Variants in PRKCE observed in about 807,000 individuals in gnomAD.
PRKCE encodes protein kinase C epsilon type.
A neutral mutation model predicts 85.4 loss-of-function variants in PRKCE; 16 were observed. The ratio of observed to expected loss-of-function variants is 0.19; its 90% CI spans 0.13 to 0.28. The LOEUF (loss-of-function observed/expected upper bound fraction) is 0.28, where lower values mean the gene tolerates loss of function less well. PRKCE is among the 10% of genes least tolerant of loss of function. The pLI is 1.00. For missense variants in PRKCE, 573 were observed against 975.2 expected, an observed-to-expected ratio of 0.59 and a Z score of 5.49; for synonymous variants, 388 against 371.5, an observed-to-expected ratio of 1.04 and a Z score of -0.51.
At chr2:46,006,543 C>G (rs1044827828) in intron 8 of PRKCE, among the ~76,000 whole-genome samples, 2 of 152,222 alleles carry the variant, frequency 1.3e-5, no homozygotes, top group African/African-American at 2.4e-5. Flanking sequence ...GCCTAATTCT[C>G]ATTCCCAAGG....
chr2:46,175,036 T>C (rs1422408700), intron 14 of PRKCE, among the ~76,000 whole-genome samples: 1 of 152,114 alleles, frequency 6.6e-6, no homozygotes, highest in Non-Finnish European at 1.5e-5. Flanking sequence ...AGGGCTAAAA[T>C]TGCTTCCTTC....
chr2:46,065,611 C>T (rs185092128), intron 10 of PRKCE, among the ~76,000 whole-genome samples: 11 of 152,256 alleles, frequency 7.2e-5, no homozygotes, highest in African/African-American at 2.6e-4. Flanking sequence ...CTTTTCAGAT[C>T]GACTTTCCTG....
intron 1 of PRKCE, among the ~76,000 whole-genome samples, chr2:45,801,602 G>C (rs925099143): frequency 6.6e-6 from 1 of 152,216 alleles, no homozygotes; most frequent in East Asian, 1.9e-4. Context: ...GCTTCAAGAT[G>C]CTGGGAATTT....
chr2:45,962,934 T>A (rs1364380554), intron 2 of PRKCE, among the ~76,000 whole-genome samples: 1 of 152,166 alleles, frequency 6.6e-6, no homozygotes, highest in Non-Finnish European at 1.5e-5. Context: ...TCAGTCTCAG[T>A]GGAACATAAA....
chr2:46,025,163 C>A (rs35617557), intron 10 of PRKCE, among the ~76,000 whole-genome samples: 42,649 of 151,960 alleles, frequency 0.28, 6,572 homozygotes, highest in Middle Eastern at 0.38. Flanking sequence ...CACGAGAGAA[C>A]TCCCGGGGTT....
chr2:46,065,714 A>G (rs1210065909), intron 10 of PRKCE, among the ~76,000 whole-genome samples: 1 of 152,224 alleles, frequency 6.6e-6, no homozygotes, highest in Non-Finnish European at 1.5e-5. Flanking sequence ...GCAAAAAGGA[A>G]TTTAAATATT....
chr2:46,076,065 T>C (rs1668534929), intron 10 of PRKCE, among the ~76,000 whole-genome samples: 1 of 152,218 alleles, frequency 6.6e-6, no homozygotes, highest in Non-Finnish European at 1.5e-5. Flanking sequence ...ATGCTGGTCA[T>C]GCAATGGAGG....
intron 1 of PRKCE, among the ~76,000 whole-genome samples, chr2:45,819,702 T>C (rs1558709429): frequency 6.6e-6 from 1 of 152,160 alleles, no homozygotes; most frequent in African/African-American, 2.4e-5. Flanking sequence ...CAAGCTGTGG[T>C]GTGAAACTGT....
At chr2:46,126,325 C>T (rs899917124) in intron 11 of PRKCE, among the ~76,000 whole-genome samples, 1 of 152,102 alleles carries the variant, frequency 6.6e-6, no homozygotes, top group Non-Finnish European at 1.5e-5. Flanking sequence ...TTCCTTTGTC[C>T]CCTCTTTGTA....
At chr2:45,689,732 C>T (rs1677579241) in intron 1 of PRKCE, among the ~76,000 whole-genome samples, 1 of 151,792 alleles carries the variant, frequency 6.6e-6, no homozygotes, top group South Asian at 2.1e-4. Flanking sequence ...CCTGTCTCTA[C>T]TTAAAATACA....
chr2:46,047,643 G>C (rs1294334615), intron 10 of PRKCE, among the ~76,000 whole-genome samples: 1 of 152,170 alleles, frequency 6.6e-6, no homozygotes, highest in East Asian at 1.9e-4. Flanking sequence ...ATTTGATCAG[G>C]ACACACTCTG....
chr2:45,716,691 G>A (rs1558589677), intron 1 of PRKCE, among the ~76,000 whole-genome samples: 3 of 21,312 alleles, frequency 1.4e-4, no homozygotes, highest in Non-Finnish European at 2.8e-4. Context: ...AAGAAGAAGA[G>A]AAGGAAGGAA....
At chr2:46,033,354 C>T (rs905165920) in intron 10 of PRKCE, among the ~76,000 whole-genome samples, 2 of 152,228 alleles carry the variant, frequency 1.3e-5, no homozygotes, top group South Asian at 2.1e-4. Flanking sequence ...CAGAACCCCA[C>T]ACCCTGTCTT....
At chr2:46,073,663 G>A (rs1668270278) in intron 10 of PRKCE, 1 of 152,070 alleles carries the variant, frequency 6.6e-6, no homozygotes. Context: ...TCCAGGCTCT[G>A]TCCTGCTTCA....
intron 10 of PRKCE, among the ~76,000 whole-genome samples, chr2:46,026,615 G>C (rs76150716): frequency 0.043 from 6,619 of 152,264 alleles, 199 homozygotes; most frequent in East Asian, 0.12. Context: ...AGAACAGAAT[G>C]AATTGGTCGA....
At chr2:46,071,538 C>G (rs1668083450) in intron 10 of PRKCE, among the ~76,000 whole-genome samples, 1 of 152,136 alleles carries the variant, frequency 6.6e-6, no homozygotes. Flanking sequence ...CCCAGGCAGT[C>G]AGGATTCCAA....
chr2:45,899,362 G>C (rs567902374), intron 2 of PRKCE, among the ~76,000 whole-genome samples: 2 of 151,428 alleles, frequency 1.3e-5, no homozygotes, highest in South Asian at 4.2e-4. Flanking sequence ...TTCCTTCCAA[G>C]TCTTTTTAAA....
chr2:45,777,140 T>A (rs1685814976), intron 1 of PRKCE, among the ~76,000 whole-genome samples: 1 of 152,148 alleles, frequency 6.6e-6, no homozygotes, highest in Admixed American at 6.5e-5. Flanking sequence ...ATATGTATTA[T>A]AAGGGAAAGC....
rs577241177 is a variant in PRKCE, at chr2:45,652,937, G to C, written c.348+489G>C. ...TTTCCCTCCGAGAGGAAGCTGGCTT[G>C]TTTCTATTCTCTTGCATGGTGGTTA... On this transcript the variant is annotated intron_variant, in intron 1 of 14. Coordinates refer to ENST00000306156, the MANE Select transcript of PRKCE (RefSeq NM_005400.3). This position sits in a 1 kb window ranked among gnomAD's most constrained non-coding sequence, Gnocchi z 7.7. 6.6e-5 allele frequency among the ~76,000 whole-genome samples: 10 copies of C among 152,178 alleles called. No homozygotes were observed. The South Asian group carries it at 2.1e-3, about 32-fold the overall frequency.
Sources: allele counts gnomAD v4.1 joint callset (sites outside exome capture counted in the v4.1 genomes callset), GRCh38; gene constraint gnomAD v4.1.1; non-coding constraint Gnocchi (gnomAD v3.1); transcripts MANE v1.5; gene names NCBI Gene and HGNC (gene_info 2026-07-23, HGNC 2026-07-21).